Variants in LAMA2 observed in about 807,000 individuals in gnomAD.
The protein encoded by LAMA2 is laminin subunit alpha 2, also known as laminin subunit alpha-2.
LAMA2 carries 269 observed loss-of-function variants against 364.8 expected under a neutral mutation model. That is an observed-to-expected ratio of 0.74 (90% CI 0.67 to 0.82). The LOEUF is 0.82. LAMA2 is among the 40% of genes least tolerant of loss of function. LAMA2 has a pLI of 0.00. For synonymous variants in LAMA2, 1,379 were observed against 1,370.6 expected, an observed-to-expected ratio of 1.01 and a Z score of -0.14; for missense variants, 3,807 against 3,873.2, an observed-to-expected ratio of 0.98 and a Z score of 0.45.
chr6:129,053,163 C>T (rs774615890), intron 2 of LAMA2, among the ~76,000 whole-genome samples: 14 of 152,296 alleles, frequency 9.2e-5, no homozygotes, highest in Non-Finnish European at 1.6e-4. Flanking sequence ...ACCGCAACCT[C>T]CGCCTCCCGG....
At chr6:128,990,134 T>G (rs979445615) in intron 1 of LAMA2, among the ~76,000 whole-genome samples, 1 of 152,246 alleles carries the variant, frequency 6.6e-6, no homozygotes, top group Non-Finnish European at 1.5e-5. Context: ...CCAAGGTATC[T>G]TACAGAGATA....
chr6:128,924,181 A>G (rs537484294), intron 1 of LAMA2, among the ~76,000 whole-genome samples: 9 of 152,110 alleles, frequency 5.9e-5, no homozygotes. Context: ...TCCCTGCTAT[A>G]ATTTTTACAA....
intron 13 of LAMA2, among the ~76,000 whole-genome samples, chr6:129,251,052 CTCTCTCTCTCTCTCTCTCTCTCTCTATA>C (rs1786168793): frequency 3.2e-5 from 2 of 61,870 alleles, no homozygotes; most frequent in Admixed American, 2.0e-4. Flanking sequence ...CTCTCTCTCT[CTCTCTCTCTCTCTCTCTCTCTCTCTATA>C]TATATATATA....
At chr6:129,439,731 C>G (rs1782006103) in intron 42 of LAMA2, among the ~76,000 whole-genome samples, 1 of 151,108 alleles carries the variant, frequency 6.6e-6, no homozygotes, top group East Asian at 1.9e-4. Context: ...ATTATAAACA[C>G]TTATTGAGTA....
intron 18 of LAMA2, among the ~76,000 whole-genome samples, chr6:129,285,624 G>A (rs1325297441): frequency 1.3e-5 from 2 of 152,062 alleles, no homozygotes; most frequent in African/African-American, 2.4e-5. Flanking sequence ...TATTCCAGTG[G>A]CACAAAGTCA....
intron 12 of LAMA2, among the ~76,000 whole-genome samples, chr6:129,225,309 A>T (rs150030665): frequency 3.9e-4 from 60 of 152,238 alleles, no homozygotes; most frequent in African/African-American, 1.3e-3. Context: ...GATTTGTTGA[A>T]GGGTTTTTTG....
At chr6:129,158,270 G>A in intron 8 of LAMA2, 1 of 1,614,124 alleles carries the variant, frequency 6.2e-7, no homozygotes. Flanking sequence ...TGTTTTCATG[G>A]CGCATTAGCA....
At chr6:129,330,501 A>G (rs985682264) in intron 29 of LAMA2, among the ~76,000 whole-genome samples, 29 of 151,002 alleles carry the variant, frequency 1.9e-4, no homozygotes, top group African/African-American at 6.6e-4. Flanking sequence ...AGTGATTTTA[A>G]TGTCCATGAA....
At chr6:129,221,300 T>C (rs1296664974) in intron 12 of LAMA2, among the ~76,000 whole-genome samples, 1 of 150,456 alleles carries the variant, frequency 6.6e-6, no homozygotes, top group Non-Finnish European at 1.5e-5. Flanking sequence ...TGGTTTCTTT[T>C]TTTTTTTTTT....
intron 4 of LAMA2, among the ~76,000 whole-genome samples, chr6:129,117,712 G>A (rs1256914305): frequency 1.3e-5 from 2 of 152,156 alleles, no homozygotes; most frequent in African/African-American, 4.8e-5. Context: ...CACATGCCTT[G>A]TGCCAAGTAC....
intron 1 of LAMA2, among the ~76,000 whole-genome samples, chr6:128,894,408 T>G (rs1776642383): frequency 6.6e-6 from 1 of 152,234 alleles, no homozygotes; most frequent in Admixed American, 6.5e-5. Flanking sequence ...AGAATTTTTA[T>G]TTTCATTTGT....
chr6:129,026,374 GAA>G (rs1385814836), intron 1 of LAMA2, among the ~76,000 whole-genome samples: 3 of 152,142 alleles, frequency 2.0e-5, no homozygotes, highest in Non-Finnish European at 4.4e-5. Context: ...ACAGTGGTAA[GAA>G]TATTTTGCAT....
At chr6:129,476,145 G>T (rs1479753226) in intron 53 of LAMA2, among the ~76,000 whole-genome samples, 1 of 152,148 alleles carries the variant, frequency 6.6e-6, no homozygotes, top group Non-Finnish European at 1.5e-5. Flanking sequence ...TGCAGGGCTG[G>T]TATCCTCTGG....
chr6:129,414,960 G>A (rs1180253301), intron 40 of LAMA2, among the ~76,000 whole-genome samples: 2 of 152,218 alleles, frequency 1.3e-5, no homozygotes, highest in Non-Finnish European at 2.9e-5. Context: ...AGGAGATGTA[G>A]TTCACTTACA....
At chr6:129,124,045 T>A (rs1284240422) in intron 4 of LAMA2, among the ~76,000 whole-genome samples, 4 of 152,236 alleles carry the variant, frequency 2.6e-5, no homozygotes, top group Non-Finnish European at 5.9e-5. Flanking sequence ...GCTTTTTGTA[T>A]GTCAATCAAC....
At chr6:129,265,113 T>C (rs58821164) in intron 15 of LAMA2, among the ~76,000 whole-genome samples, 40,428 of 151,982 alleles carry the variant, frequency 0.27, 7,914 homozygotes, top group African/African-American at 0.56. Flanking sequence ...ATTGAGAAGA[T>C]AACAGATGCT....
Position 129,515,133 on chromosome 6 carries a change from T to A in LAMA2, c.9211+538T>A, listed in dbSNP as rs536849398. On this transcript the variant is annotated intron_variant, in intron 64 of 64. Transcript: ENST00000421865. ...AATATAGCATGTGAACTGTAGAGAT[T>A]TACCTAAAGTGCCCATAAACAAGAG... is the stretch of plus-strand genomic sequence containing the variant. Among the ~76,000 whole-genome samples, 9 of 152,252 alleles carry A rather than the reference T, an allele frequency of 5.9e-5. No homozygotes were observed. In the East Asian group the frequency reaches 1.7e-3, roughly 29 times the overall value.
At chr6:129,205,075 T>C (rs1206244120) in intron 12 of LAMA2, among the ~76,000 whole-genome samples, 1 of 151,160 alleles carries the variant, frequency 6.6e-6, no homozygotes, top group East Asian at 1.9e-4. Context: ...TGAATATACA[T>C]TGATGCAATC....
chr6:129,304,847 C>T (rs950068001), intron 22 of LAMA2, among the ~76,000 whole-genome samples: 1 of 152,114 alleles, frequency 6.6e-6, no homozygotes, highest in African/African-American at 2.4e-5. Context: ...TGCATTATTT[C>T]AGACCTTTTG....
Sources: gnomAD v4.1 joint callset for allele counts (sites outside exome capture counted in the v4.1 genomes callset) on GRCh38, gnomAD v4.1.1 for gene constraint, MANE v1.5 for transcripts, NCBI Gene and HGNC (gene_info 2026-07-23, HGNC 2026-07-21) for gene names.